MAEL: variants seen among roughly 807,000 people sequenced by gnomAD.
MAEL encodes the protein maelstrom spermatogenic transposon silencer, also known as protein maelstrom homolog.
In MAEL, 46 loss-of-function variants were observed where a neutral mutation model predicts 62.0. The ratio of observed to expected loss-of-function variants is 0.74; its 90% CI spans 0.59 to 0.95. The LOEUF is 0.95. MAEL is among the 40% of genes least tolerant of loss of function. The pLI, the probability that MAEL is intolerant of heterozygous loss-of-function variation, is 0.00. For synonymous variants in MAEL, 172 were observed against 175.5 expected, an observed-to-expected ratio of 0.98 and a Z score of 0.16; for missense variants, 497 against 526.8, an observed-to-expected ratio of 0.94 and a Z score of 0.55.
Position 166,989,313 on chromosome 1 carries a change from C to A in MAEL, c.-40C>A. ...CGGGAGCCCGGCGAGGGCGCCGGTGCTTTGTTCTGTCTGAGGCCAGGAAGT... is the reference window on the plus strand; with the variant it reads ...CGGGAGCCCGGCGAGGGCGCCGGTGATTTGTTCTGTCTGAGGCCAGGAAGT... On this transcript the variant is annotated 5_prime_UTR_variant, in exon 1 of 12. Coordinates refer to ENST00000367872, the MANE Select transcript of MAEL (RefSeq NM_032858.3). 6.3e-7 allele frequency: 1 copy of A among 1,595,164 alleles called. No individual in the cohort carries two copies. Among genetic ancestry groups the A allele is most frequent in the Non-Finnish European group, 8.5e-7 (1 of 1,170,496 alleles).
chr1:167,013,800 G>A (rs1200016727), intron 8 of MAEL, among the ~76,000 whole-genome samples: 1 of 152,182 alleles, frequency 6.6e-6, no homozygotes, highest in Non-Finnish European at 1.5e-5. Flanking sequence ...AAGCAGACAA[G>A]AGAGATGTTT....
In MAEL at chr1:166,989,294, C is replaced by T. The variant is rs538139762; in HGVS notation, c.-59C>T. The T allele has an allele frequency of 2.1e-5, 33 of 1,559,412 alleles. No homozygotes were observed. Among genetic ancestry groups the T allele is most frequent in the Non-Finnish European group, 2.6e-5 (30 of 1,150,972 alleles). On this transcript the variant is annotated 5_prime_UTR_variant, in exon 1 of 12. Coordinates refer to ENST00000367872, the MANE Select transcript of MAEL (RefSeq NM_032858.3). ...CTACCTCTGTTACTTAGGGCGGGAG[C>T]CCGGCGAGGGCGCCGGTGCTTTGTT...
chr1:166,985,099 A>T (rs1280871973), upstream of MAEL, among the ~76,000 whole-genome samples: 2 of 152,220 alleles, frequency 1.3e-5, no homozygotes, highest in African/African-American at 4.8e-5. Context: ...ACTGGGGAGT[A>T]GAGATGAGTA....
At chr1:166,986,027 T>C (rs745403024), upstream of MAEL, among the ~76,000 whole-genome samples, 11 of 152,006 alleles carry the variant, frequency 7.2e-5, no homozygotes, top group Non-Finnish European at 1.5e-4. Context: ...GAGATGAAAA[T>C]AAACAATCTG....
chr1:167,021,537 A>G, intron 11 of MAEL, 131 bp from the exon 12 acceptor site: 2 of 654,878 alleles, frequency 3.1e-6, no homozygotes, highest in Non-Finnish European at 2.5e-6. Context: ...GGCTAAAAAC[A>G]AAAACATTTT....
chr1:166,993,490 G>A (rs182817978), intron 4 of MAEL, among the ~76,000 whole-genome samples: 1 of 152,238 alleles, frequency 6.6e-6, no homozygotes, highest in East Asian at 1.9e-4. Flanking sequence ...TTCATTTTTA[G>A]TTTTGTCAAT....
At chr1:166,989,202 C>G (rs1250066405), upstream of MAEL, 7 of 1,036,936 alleles carry the variant, frequency 6.8e-6, no homozygotes, top group East Asian at 1.6e-4. Context: ...TTTGTTCCCC[C>G]GCGGGGCAAT....
rs780472356 is a variant in MAEL, at chr1:166,989,309, GGTGCTTTGTTCT to G, written c.-41_-30del. On this transcript the variant is annotated 5_prime_UTR_variant, in exon 1 of 12. Transcript: ENST00000367872. ...AGGGCGGGAGCCCGGCGAGGGCGCC[GGTGCTTTGTTCT>G]GTCTGAGGCCAGGAAGTTTGACCGC... is the stretch of plus-strand genomic sequence containing the variant. 5 of 1,586,280 alleles carry G rather than the reference GGTGCTTTGTTCT, an allele frequency of 3.2e-6. No individual in the cohort carries two copies. Among genetic ancestry groups the G allele is most frequent in the Non-Finnish European group, 4.3e-6 (5 of 1,165,074 alleles).
upstream of MAEL, chr1:166,989,086 GC>G (rs1368052845): frequency 2.2e-4 from 97 of 447,248 alleles, no homozygotes; most frequent in Admixed American, 2.1e-4. Flanking sequence ...CAATGCCTCC[GC>G]CTGCCACGCA....
chr1:167,012,891 G>C (rs937880633), intron 8 of MAEL, among the ~76,000 whole-genome samples: 5 of 124,732 alleles, frequency 4.0e-5, no homozygotes, highest in Non-Finnish European at 6.7e-5. Context: ...GGTTGAAGCA[G>C]TTGGGGGTCA....
chr1:166,991,480 A>AGAGT lies in MAEL; in HGVS notation c.325+4_325+7dup, dbSNP rs1328632362. 1 of 1,571,922 alleles carries AGAGT rather than the reference A, an allele frequency of 6.4e-7. No homozygotes were observed. The highest frequency in any genetic ancestry group is 1.7e-5 in the Admixed American group (1 of 59,904). On this transcript the variant is annotated splice_donor_region_variant and intron_variant, in intron 3 of 11. Coordinates refer to ENST00000367872, the MANE Select transcript of MAEL (RefSeq NM_032858.3). ...TTTGTCTTTAAAAGGTGATCAAGGT[A>AGAGT]GAGTAATCCTGAAATATTTTGCTGA...
chr1:167,018,909 C>T (rs1337746493), intron 10 of MAEL, among the ~76,000 whole-genome samples: 1 of 152,070 alleles, frequency 6.6e-6, no homozygotes, highest in East Asian at 1.9e-4. Context: ...GATAGAATGG[C>T]TCTGTATCCT....
intron 5 of MAEL, 144 bp downstream of exon 5, chr1:166,994,213 G>C (rs1664310199): frequency 2.9e-6 from 2 of 686,612 alleles, no homozygotes; most frequent in Non-Finnish European, 4.8e-6. Flanking sequence ...GTGATAGATG[G>C]TGTCTGTGAT....
intron 8 of MAEL, among the ~76,000 whole-genome samples, chr1:167,007,604 C>G (rs1176180926): frequency 1.4e-5 from 2 of 147,384 alleles, no homozygotes; most frequent in African/African-American, 5.1e-5. Context: ...TGTGTATGTA[C>G]ACACACACTC....
intron 1 of MAEL, among the ~76,000 whole-genome samples, chr1:166,980,652 G>A (rs1287224542): frequency 6.6e-6 from 1 of 152,208 alleles, no homozygotes. Context: ...AGCCAGAGAT[G>A]AAGGTTACTG....
chr1:166,975,784 T>G (rs2102051965), intron 1 of MAEL: 1 of 152,066 alleles, frequency 6.6e-6, no homozygotes, highest in South Asian at 2.1e-4. Flanking sequence ...CCATCGCGGC[T>G]TCTCCCAGGG....
intron 8 of MAEL, among the ~76,000 whole-genome samples, chr1:167,007,012 A>G (rs994284563): frequency 2.6e-5 from 4 of 152,178 alleles, no homozygotes; most frequent in African/African-American, 9.6e-5. Context: ...TCAAACTTTC[A>G]TATACAAATT....
intron 1 of MAEL, among the ~76,000 whole-genome samples, chr1:166,977,733 T>A (rs1663636185): frequency 1.3e-5 from 2 of 152,140 alleles, no homozygotes; most frequent in Non-Finnish European, 2.9e-5. Flanking sequence ...GTGGGCGGAT[T>A]GCTTGAGCTC....
At chr1:166,988,034 G>GA (rs1663980213), upstream of MAEL, among the ~76,000 whole-genome samples, 1 of 152,268 alleles carries the variant, frequency 6.6e-6, no homozygotes, top group African/African-American at 2.4e-5. Flanking sequence ...TGCATCGTTA[G>GA]AAAACTAGCA....
Sources: gnomAD v4.1 joint callset for allele counts (sites outside exome capture counted in the v4.1 genomes callset) on GRCh38, gnomAD v4.1.1 for gene constraint, MANE v1.5 for transcripts, NCBI Gene and HGNC (gene_info 2026-07-23, HGNC 2026-07-21) for gene names.